Variants in LRRFIP2 observed in about 807,000 individuals in gnomAD.
The protein encoded by LRRFIP2 is leucine-rich repeat flightless-interacting protein 2.
In LRRFIP2, 109 loss-of-function variants were observed where a neutral mutation model predicts 125.9. The observed-to-expected ratio is 0.87, with a 90% CI of 0.74 to 1.01. The LOEUF (loss-of-function observed/expected upper bound fraction) is 1.01, where lower values mean the gene tolerates loss of function less well. LRRFIP2 is among the 50% of genes least tolerant of loss of function. LRRFIP2 has a pLI of 0.00. For synonymous variants in LRRFIP2, 291 were observed against 293.1 expected, an observed-to-expected ratio of 0.99 and a Z score of 0.07; for missense variants, 850 against 862.3, an observed-to-expected ratio of 0.99 and a Z score of 0.18.
chr3:37,161,247 T>C (rs2096335464), intron 1 of LRRFIP2, among the ~76,000 whole-genome samples: 1 of 149,124 alleles, frequency 6.7e-6, no homozygotes, highest in African/African-American at 2.5e-5. Context: ...TCCCAGTTAC[T>C]TGGAGGCTGA....
At chr3:37,150,709 T>C (rs1345461350) in intron 1 of LRRFIP2, among the ~76,000 whole-genome samples, 1 of 152,186 alleles carries the variant, frequency 6.6e-6, no homozygotes, top group Non-Finnish European at 1.5e-5. Flanking sequence ...AAATATTCCA[T>C]AACTTAAAAA....
At chr3:37,164,395 ATTTT>A (rs2096422724) in intron 1 of LRRFIP2, among the ~76,000 whole-genome samples, 2 of 152,224 alleles carry the variant, frequency 1.3e-5, no homozygotes. Flanking sequence ...AGATACTCCT[ATTTT>A]AATAACATTA....
chr3:37,065,751 A>G, intron 23 of LRRFIP2, 59 bp downstream of exon 23: 1 of 1,611,636 alleles, frequency 6.2e-7, no homozygotes, highest in Non-Finnish European at 8.5e-7. Flanking sequence ...GGATATGAAA[A>G]AGCAGAAAAC....
chr3:37,102,964 A>G lies in LRRFIP2; in HGVS notation c.833T>C (p.Val278Ala). 6.4e-7 allele frequency: 1 copy of G among 1,566,600 alleles called. No individual in the cohort carries two copies. Among genetic ancestry groups the G allele is most frequent in the Non-Finnish European group, 8.7e-7 (1 of 1,153,702 alleles). The change falls in exon 15 of 28, where the codon GTC (valine) becomes GCC (alanine). Residue 278 changes from valine to alanine, a missense_variant. By Grantham distance (64) the Val-to-Ala change is moderately conservative (BLOSUM62 0). Coordinates refer to ENST00000336686, the MANE Select transcript of LRRFIP2 (RefSeq NM_006309.4). ...FSRSNRRGSV[V>A]SEVDDISIPD... ...GATACTGATATCATCCACCTCAGAG[A>G]CAACACTTCCCCTACGATTGGAGCG...
chr3:37,152,653 G>A (rs1222908390), intron 1 of LRRFIP2, among the ~76,000 whole-genome samples: 1 of 152,114 alleles, frequency 6.6e-6, no homozygotes, highest in East Asian at 1.9e-4. Context: ...ATGTTGGCCA[G>A]ACTGGTCTCA....
At chr3:37,153,312 C>A (rs2096083528) in intron 1 of LRRFIP2, among the ~76,000 whole-genome samples, 1 of 151,954 alleles carries the variant, frequency 6.6e-6, no homozygotes, top group South Asian at 2.1e-4. Flanking sequence ...AACTGACTGA[C>A]CCTGGGAGGT....
chr3:37,155,403 TAA>T (rs925152083), intron 1 of LRRFIP2, among the ~76,000 whole-genome samples: 18 of 152,244 alleles, frequency 1.2e-4, no homozygotes, highest in African/African-American at 3.9e-4. Context: ...TAAACCATGC[TAA>T]GAGTTTCTGC....
In LRRFIP2 at chr3:37,102,914, A is replaced by G. The variant is rs375920321; in HGVS notation, c.873+10T>C. On this transcript the variant is annotated intron_variant, in intron 15 of 27. Coordinates refer to ENST00000336686, the MANE Select transcript of LRRFIP2 (RefSeq NM_006309.4). ...ACAACATAACCAACCACCCCATGCAATACACTCACGCTGGACAAATCTGGG... is the reference window on the plus strand; with the variant it reads ...ACAACATAACCAACCACCCCATGCAGTACACTCACGCTGGACAAATCTGGG... 32 of 1,547,314 alleles carry G rather than the reference A, an allele frequency of 2.1e-5. No homozygotes were observed. The highest frequency in any genetic ancestry group is 2.6e-5 in the Non-Finnish European group (30 of 1,142,638).
chr3:37,134,777 T>C (rs903464140), intron 2 of LRRFIP2: 1 of 796,930 alleles, frequency 1.3e-6, no homozygotes, highest in Non-Finnish European at 2.2e-6. Context: ...TTATGGGACC[T>C]AATGACAGCC....
intron 7 of LRRFIP2, among the ~76,000 whole-genome samples, chr3:37,114,214 C>G (rs2149469433): frequency 6.6e-6 from 1 of 151,900 alleles, no homozygotes; most frequent in Non-Finnish European, 1.5e-5. Context: ...AAATATTAAC[C>G]CAAGAAAAAC....
chr3:37,151,423 C>A (rs1216228397), intron 1 of LRRFIP2, among the ~76,000 whole-genome samples: 1 of 151,578 alleles, frequency 6.6e-6, no homozygotes. Flanking sequence ...ATCCCAGATA[C>A]AAATCAGAAC....
intron 2 of LRRFIP2, among the ~76,000 whole-genome samples, chr3:37,133,419 G>A (rs761216253): frequency 5.9e-5 from 9 of 152,126 alleles, no homozygotes; most frequent in South Asian, 2.1e-4. Context: ...ATCAATGGAC[G>A]AATGGATAGA....
chr3:37,056,428 C>T (rs1338187726), intron 25 of LRRFIP2, among the ~76,000 whole-genome samples: 1 of 151,726 alleles, frequency 6.6e-6, no homozygotes, highest in African/African-American at 2.4e-5. Flanking sequence ...GTTACAATTA[C>T]TTATACAGTC....
Position 37,063,780 on chromosome 3 carries a change from G to A in LRRFIP2, c.1711C>T (p.Arg571Ter), listed in dbSNP as rs201079449. The A allele has an allele frequency of 5.6e-6, 9 of 1,610,642 alleles. No individual in the cohort carries two copies. Among genetic ancestry groups the A allele is most frequent in the East Asian group, 2.2e-5 (1 of 44,794 alleles). The change falls in exon 24 of 28, where the codon CGA becomes TGA. Residue 571 changes from arginine (R) to a stop codon, truncating the protein, a stop_gained. Coordinates refer to ENST00000336686, the MANE Select transcript of LRRFIP2 (RefSeq NM_006309.4). LOFTEE classifies it high-confidence loss of function. ...TCTTCCTTCTCTCCAGCAAGTTTTC[G>A]TAGCCTTACATCTAAAACAAATGAA... ...AGEGPLDVRL[R>*]KLAGEKEELL...
At position 37,108,632 on chromosome 3, in the gene LRRFIP2, C is replaced by T. The variant is rs372228632; in HGVS notation, c.657+5G>A. The T allele has an allele frequency of 5.6e-6, 9 of 1,606,444 alleles. No homozygotes were observed. Among genetic ancestry groups the T allele is most frequent in the Non-Finnish European group, 7.7e-6 (9 of 1,173,880 alleles). On this transcript the variant is annotated splice_donor_5th_base_variant and intron_variant, in intron 12 of 27. Coordinates refer to ENST00000336686, the MANE Select transcript of LRRFIP2 (RefSeq NM_006309.4). ...TCTTCACCACCTTCCCCTATTTAGA[C>T]TTACAGTTCGAGGACCATAAGGGTT...
chr3:37,153,884 G>A (rs756086186), intron 1 of LRRFIP2, among the ~76,000 whole-genome samples: 2 of 151,814 alleles, frequency 1.3e-5, no homozygotes, highest in Non-Finnish European at 2.9e-5. Flanking sequence ...TGCAGATCAA[G>A]GACTACCTAG....
intron 21 of LRRFIP2, 30 bp from the exon 22 acceptor site, chr3:37,066,355 A>T: frequency 6.5e-7 from 1 of 1,549,150 alleles, no homozygotes; most frequent in Non-Finnish European, 8.9e-7. Flanking sequence ...CAAGGGAAAC[A>T]ATGGCACAGA....
intron 18 of LRRFIP2, among the ~76,000 whole-genome samples, chr3:37,091,005 T>A (rs2093401357): frequency 6.6e-6 from 1 of 152,156 alleles, no homozygotes. Context: ...ATTCTTAGTA[T>A]TTTTTTAGGT....
At chr3:37,161,906 G>A (rs933529313) in intron 1 of LRRFIP2, among the ~76,000 whole-genome samples, 2 of 151,804 alleles carry the variant, frequency 1.3e-5, no homozygotes, top group Non-Finnish European at 2.9e-5. Context: ...AAACAGGCTG[G>A]GTGCGGTGGT....
Sources: gnomAD v4.1 joint callset for allele counts (sites outside exome capture counted in the v4.1 genomes callset) on GRCh38, gnomAD v4.1.1 for gene constraint, MANE v1.5 for transcripts, NCBI Gene and HGNC (gene_info 2026-07-23, HGNC 2026-07-21) for gene names.